Variants in SHISA9 observed in about 807,000 individuals in gnomAD.
The protein encoded by SHISA9 is protein shisa-9.
SHISA9 carries 13 observed loss-of-function variants against 38.0 expected under a neutral mutation model. That is an observed-to-expected ratio of 0.34 (90% confidence interval 0.22 to 0.54). SHISA9 has a LOEUF of 0.54. Among genes scored for constraint, SHISA9 ranks in the 20% least tolerant of loss-of-function variants. SHISA9 has a pLI of 0.91. For synonymous variants in SHISA9, 275 were observed against 242.0 expected, an observed-to-expected ratio of 1.14 and a Z score of -1.27; for missense variants, 538 against 575.8, an observed-to-expected ratio of 0.93 and a Z score of 0.67.
At chr16:13,011,431 C>T (rs2072673206) in intron 2 of SHISA9, among the ~76,000 whole-genome samples, 1 of 150,354 alleles carries the variant, frequency 6.7e-6, no homozygotes, top group African/African-American at 2.4e-5. Context: ...TCTAGACTTG[C>T]TCATCCTACA....
chr16:13,553,094 G>A, the SHISA9 span, among the ~76,000 whole-genome samples: 4 of 152,156 alleles, frequency 2.6e-5, no homozygotes, highest in African/African-American at 9.6e-5. Flanking sequence ...AATGACCCCT[G>A]GGGGACAAAA....
chr16:12,969,851 C>CA (rs1209908550), intron 2 of SHISA9, among the ~76,000 whole-genome samples: 1 of 151,822 alleles, frequency 6.6e-6, no homozygotes, highest in Non-Finnish European at 1.5e-5. Flanking sequence ...AATCAGCACG[C>CA]AAAAAAGTAA....
chr16:13,016,497 A>G (rs2072759136), intron 2 of SHISA9, among the ~76,000 whole-genome samples: 1 of 152,228 alleles, frequency 6.6e-6, no homozygotes, highest in African/African-American at 2.4e-5. Flanking sequence ...TGGTGAGGGC[A>G]GAGAATATTA....
intron 1 of SHISA9, among the ~76,000 whole-genome samples, chr16:12,907,050 TTCC>T (rs2071107043): frequency 1.0e-5 from 1 of 100,124 alleles, no homozygotes; most frequent in Non-Finnish European, 2.1e-5. Context: ...CCCTTCCCCC[TTCC>T]CTCCTTCCCT....
intron 2 of SHISA9, among the ~76,000 whole-genome samples, chr16:13,004,548 TGG>T (rs1192296046): frequency 6.6e-6 from 1 of 152,150 alleles, no homozygotes; most frequent in Non-Finnish European, 1.5e-5. Flanking sequence ...TCTTGATGCT[TGG>T]TGTAGAGTGG....
At chr16:13,186,639 AG>A (rs1263011240) in intron 2 of SHISA9, among the ~76,000 whole-genome samples, 1 of 152,122 alleles carries the variant, frequency 6.6e-6, no homozygotes, top group African/African-American at 2.4e-5. Context: ...CGTAGAGTTT[AG>A]TACATTCGCA....
chr16:13,478,839 C>A, the SHISA9 span, among the ~76,000 whole-genome samples: 1 of 152,212 alleles, frequency 6.6e-6, no homozygotes, highest in African/African-American at 2.4e-5. Flanking sequence ...GGGAGTGGTG[C>A]TTGGGGACCT....
At chr16:13,012,770 G>T (rs2141854012) in intron 2 of SHISA9, among the ~76,000 whole-genome samples, 1 of 152,244 alleles carries the variant, frequency 6.6e-6, no homozygotes, top group Admixed American at 6.5e-5. Context: ...TACACCACTT[G>T]CCCATTACTG....
chr16:13,434,653 C>G, the SHISA9 span, among the ~76,000 whole-genome samples: 2 of 152,042 alleles, frequency 1.3e-5, no homozygotes, highest in African/African-American at 2.4e-5. Context: ...CTTCTGACCT[C>G]GTGATCCGCC....
chr16:13,199,418 G>C (rs918909810), intron 2 of SHISA9, among the ~76,000 whole-genome samples: 1 of 152,204 alleles, frequency 6.6e-6, no homozygotes, highest in Admixed American at 6.5e-5. Flanking sequence ...GCAATACCTG[G>C]GTTTGCCCCA....
At chr16:13,316,914 C>T in the SHISA9 span, among the ~76,000 whole-genome samples, 2 of 152,186 alleles carry the variant, frequency 1.3e-5, no homozygotes, top group African/African-American at 4.8e-5. Flanking sequence ...AGCCCATGCA[C>T]CTCCTGCAAC....
chr16:13,400,157 C>A, the SHISA9 span, among the ~76,000 whole-genome samples: 2 of 152,138 alleles, frequency 1.3e-5, no homozygotes, highest in Non-Finnish European at 2.9e-5. Flanking sequence ...CCTAGAGCAA[C>A]CTTCAACCCA....
At chr16:12,989,441 G>C (rs1176620639) in intron 2 of SHISA9, among the ~76,000 whole-genome samples, 1 of 152,000 alleles carries the variant, frequency 6.6e-6, no homozygotes, top group African/African-American at 2.4e-5. Flanking sequence ...GCCTCCCCCG[G>C]GTGTTGGGAT....
chr16:13,556,228 G>A, the SHISA9 span, among the ~76,000 whole-genome samples: 5 of 151,988 alleles, frequency 3.3e-5, no homozygotes, highest in Non-Finnish European at 7.4e-5. Flanking sequence ...GTGGTGACTC[G>A]GGTATTTTTA....
chr16:12,927,045 C>G (rs1215022383), intron 2 of SHISA9, among the ~76,000 whole-genome samples: 1 of 152,130 alleles, frequency 6.6e-6, no homozygotes, highest in Non-Finnish European at 1.5e-5. Flanking sequence ...TTTTTTCAGT[C>G]AGCCTGCTGT....
chr16:13,246,156 T>C, the SHISA9 span, among the ~76,000 whole-genome samples: 6 of 152,212 alleles, frequency 3.9e-5, no homozygotes, highest in Non-Finnish European at 7.3e-5. Flanking sequence ...TATCTTGAAT[T>C]GTAGCTCCCG....
chr16:13,263,484 A>G, the SHISA9 span, among the ~76,000 whole-genome samples: 1 of 152,120 alleles, frequency 6.6e-6, no homozygotes, highest in African/African-American at 2.4e-5. Context: ...TTCCTCTTGC[A>G]TTGGCCATGT....
the SHISA9 span, among the ~76,000 whole-genome samples, chr16:13,298,319 G>A: frequency 3.2e-3 from 486 of 152,192 alleles, 3 homozygotes; most frequent in Non-Finnish European, 5.7e-3. Context: ...GAAAAGTACC[G>A]TGGAAACTCT....
At chr16:12,964,714 C>G (rs1388339456) in intron 2 of SHISA9, among the ~76,000 whole-genome samples, 2 of 152,104 alleles carry the variant, frequency 1.3e-5, no homozygotes, top group Non-Finnish European at 2.9e-5. Context: ...CAACACAATT[C>G]AAGATCGTGA....
Sources: gnomAD v4.1 joint callset for allele counts (sites outside exome capture counted in the v4.1 genomes callset) on GRCh38, gnomAD v4.1.1 for gene constraint, MANE v1.5 for transcripts, NCBI Gene and HGNC (gene_info 2026-07-23, HGNC 2026-07-21) for gene names.